Variants in CNBD1 observed in about 807,000 individuals in gnomAD.
The protein encoded by CNBD1 is cyclic nucleotide-binding domain-containing protein 1.
A neutral mutation model predicts 54.4 loss-of-function variants in CNBD1; 71 were observed. The ratio of observed to expected loss-of-function variants is 1.30; its 90% CI spans 1.08 to 1.59. The LOEUF is 1.59. CNBD1 is among the 40% of genes most tolerant of loss of function. The pLI is 0.00. For missense variants in CNBD1, 659 were observed against 518.0 expected (o/e 1.27, Z -2.64); for synonymous variants, 182 against 170.7 (o/e 1.07, Z -0.51).
intron 10 of CNBD1, among the ~76,000 whole-genome samples, chr8:87,360,655 A>G (rs1431266793): frequency 2.0e-5 from 3 of 151,980 alleles, no homozygotes; most frequent in Non-Finnish European, 4.4e-5. Flanking sequence ...TTTTGTAATG[A>G]GAAAGAATTT....
chr8:87,360,107 T>C (rs1346409868), intron 10 of CNBD1, among the ~76,000 whole-genome samples: 1 of 151,998 alleles, frequency 6.6e-6, no homozygotes. Context: ...CTTGAATGAA[T>C]CAACAATATT....
chr8:87,206,380 A>G (rs547063927), intron 5 of CNBD1, among the ~76,000 whole-genome samples: 326 of 152,262 alleles, frequency 2.1e-3, no homozygotes, highest in African/African-American at 7.6e-3. Flanking sequence ...ACTCAGAATT[A>G]CCCAGTGATC....
chr8:87,421,395 G>C (rs1807933408), intron 2 of CNBD1, among the ~76,000 whole-genome samples: 1 of 150,310 alleles, frequency 6.7e-6, no homozygotes, highest in Non-Finnish European at 1.5e-5. Context: ...TCTAGCATTA[G>C]GTATATCTCC....
In CNBD1 at chr8:87,286,645, A is replaced by C. The variant is rs910882912; in HGVS notation, c.1016A>C (p.Lys339Thr). The C allele has an allele frequency of 7.1e-6, 11 of 1,542,368 alleles. No individual in the cohort carries two copies. In the African/African-American group the frequency reaches 1.5e-4, roughly 21 times the overall value. Reference protein sequence around the residue: ...LSIYELIALLKWKKFPPGHVI... With the variant: ...LSIYELIALLTWKKFPPGHVI... The stretch of plus-strand genomic sequence containing the variant: ...ATATATGAGCTAATTGCACTCCTTA[A>C]ATGGAAAAAATTTCCTCCAGGTCAT... The change falls in exon 8 of 11, where the codon AAA becomes ACA. Residue 339 changes from lysine (K) to threonine (T), a missense_variant. Lys to Thr is a moderately conservative substitution (Grantham distance 78). Coordinates refer to ENST00000518476, the MANE Select transcript of CNBD1 (RefSeq NM_173538.3).
At chr8:87,387,811 C>G (rs868320713), downstream of CNBD1, among the ~76,000 whole-genome samples, 10 of 152,178 alleles carry the variant, frequency 6.6e-5, no homozygotes, top group African/African-American at 2.4e-4. Context: ...ACATTCTTTT[C>G]AGCACCACAC....
intron 4 of CNBD1, among the ~76,000 whole-genome samples, chr8:86,962,410 A>C (rs556996038): frequency 6.6e-6 from 1 of 152,322 alleles, no homozygotes; most frequent in South Asian, 2.1e-4. Context: ...GACTTTAGCC[A>C]TGCCAAATGG....
At position 86,932,739 on chromosome 8, in the gene CNBD1, A is replaced by T. The variant is rs146344191; in HGVS notation, c.273-6857A>T. ...CTTCTTTTTCAGGGCTTGAGGGTCA[A>T]ATTGTTCCCAATGGATTCATTTCAA... On this transcript the variant is annotated intron_variant, in intron 3 of 10. Coordinates refer to ENST00000518476, the MANE Select transcript of CNBD1 (RefSeq NM_173538.3). 3.0e-3 allele frequency among the ~76,000 whole-genome samples: 456 copies of T among 152,198 alleles called. 6 individuals carry two copies. Among genetic ancestry groups the T allele is most frequent in the African/African-American group, 0.011 (438 of 41,542 alleles).
chr8:87,210,188 G>T (rs193004506), intron 5 of CNBD1, among the ~76,000 whole-genome samples: 1 of 152,302 alleles, frequency 6.6e-6, no homozygotes, highest in Non-Finnish European at 1.5e-5. Context: ...ATATGGTCTG[G>T]CTATTTCTAA....
intron 4 of CNBD1, among the ~76,000 whole-genome samples, chr8:86,957,511 G>C (rs1298869273): frequency 6.6e-6 from 1 of 152,118 alleles, no homozygotes; most frequent in East Asian, 1.9e-4. Context: ...TTCAGATCCT[G>C]TTATTGGTCT....
At chr8:87,357,337 C>A (rs1810439215) in intron 10 of CNBD1, among the ~76,000 whole-genome samples, 3 of 152,188 alleles carry the variant, frequency 2.0e-5, no homozygotes, top group Non-Finnish European at 4.4e-5. Flanking sequence ...GGAAAAGCTA[C>A]AGGCGTTTAA....
chr8:86,895,470 A>G (rs1266498558), intron 2 of CNBD1, among the ~76,000 whole-genome samples: 2 of 152,218 alleles, frequency 1.3e-5, no homozygotes, highest in Non-Finnish European at 2.9e-5. Context: ...GAAAATACCA[A>G]GGAGCATGCT....
At chr8:86,879,906 G>T (rs1433823648) in intron 1 of CNBD1, among the ~76,000 whole-genome samples, 1 of 151,942 alleles carries the variant, frequency 6.6e-6, no homozygotes, top group Non-Finnish European at 1.5e-5. Flanking sequence ...GAGAGAATGG[G>T]GGAGGAACTT....
At chr8:86,973,292 A>G (rs1808266240) in intron 4 of CNBD1, among the ~76,000 whole-genome samples, 1 of 152,218 alleles carries the variant, frequency 6.6e-6, no homozygotes, top group South Asian at 2.1e-4. Flanking sequence ...CTTTTCTGAT[A>G]CACTAGGTAA....
rs1382591909 is a variant in CNBD1, at chr8:87,342,272, CAAAA to C, written c.1043-9411_1043-9408del. On this transcript the variant is annotated intron_variant, in intron 8 of 10. Coordinates refer to ENST00000518476, the MANE Select transcript of CNBD1 (RefSeq NM_173538.3). Reference sequence around the variant, plus strand: ...TGGGCAACAGAGCAAGACTCCATCTCAAAAAGAAAAAAAAAAAAAAGAAAACTCA... The same window carrying C: ...TGGGCAACAGAGCAAGACTCCATCTCAGAAAAAAAAAAAAAAGAAAACTCA... Among the ~76,000 whole-genome samples the C allele has an allele frequency of 1.6e-4, 16 of 99,016 alleles. No individual in the cohort carries two copies. The East Asian group carries it at 3.6e-3, about 22-fold the overall frequency. The allele number at this position is 99,016 out of a possible 152,430, so 65.0% of individuals were successfully genotyped here.
intron 2 of CNBD1, among the ~76,000 whole-genome samples, chr8:87,406,730 G>T (rs1337210248): frequency 6.6e-6 from 1 of 151,952 alleles, no homozygotes; most frequent in African/African-American, 2.4e-5. Context: ...TGCCAGCCTT[G>T]GCCTCCCAAA....
rs192869163 is a variant in CNBD1, at chr8:87,321,180, T to C, written c.1043-30505T>C. Reference sequence around the variant, plus strand: ...TTTTGAGATCCTGATTTCAATTCTTTTGAATAAATATCCAGAAGTAAGAAT... The same window carrying C: ...TTTTGAGATCCTGATTTCAATTCTTCTGAATAAATATCCAGAAGTAAGAAT... On this transcript the variant is annotated intron_variant, in intron 8 of 10. Coordinates refer to ENST00000518476, the MANE Select transcript of CNBD1 (RefSeq NM_173538.3). Among the ~76,000 whole-genome samples the C allele has an allele frequency of 3.0e-4, 44 of 146,444 alleles. No homozygotes were observed. In the East Asian group the frequency reaches 7.9e-3, roughly 26 times the overall value.
chr8:87,271,754 G>A (rs186838095), intron 6 of CNBD1, among the ~76,000 whole-genome samples: 10 of 151,368 alleles, frequency 6.6e-5, no homozygotes, highest in Admixed American at 6.6e-4. Context: ...TCTACTGTTG[G>A]GTATTTACCT....
chr8:87,365,117 AT>A (rs1810616883), intron 10 of CNBD1, among the ~76,000 whole-genome samples: 1 of 152,096 alleles, frequency 6.6e-6, no homozygotes, highest in Non-Finnish European at 1.5e-5. Flanking sequence ...CCAACAGTGT[AT>A]AAGTGTCCCC....
intron 4 of CNBD1, among the ~76,000 whole-genome samples, chr8:87,130,097 A>G (rs148883971): frequency 0.016 from 2,474 of 152,224 alleles, 57 homozygotes; most frequent in African/African-American, 0.056. Context: ...CCATGATTCA[A>G]TTACCTCCCA....
Sources: gnomAD v4.1 joint callset for allele counts (sites outside exome capture counted in the v4.1 genomes callset) on GRCh38, gnomAD v4.1.1 for gene constraint, MANE v1.5 for transcripts, NCBI Gene and HGNC (gene_info 2026-07-23, HGNC 2026-07-21) for gene names.